The following DRC11 variants were observed in gnomAD, a reference collection of about 807,000 sequenced individuals.
DRC11 encodes dynein regulatory complex subunit 11.
chr2:236,488,549 G>C, the DRC11 span, among the ~76,000 whole-genome samples: 1 of 152,096 alleles, frequency 6.6e-6, no homozygotes, highest in Non-Finnish European at 1.5e-5. Context: ...TAACTTAATA[G>C]GAGAAACAGA....
At chr2:236,453,697 T>C in the DRC11 span, among the ~76,000 whole-genome samples, 3 of 152,020 alleles carry the variant, frequency 2.0e-5, no homozygotes, top group Non-Finnish European at 4.4e-5. This position sits in a 1 kb window ranked among gnomAD's most constrained non-coding sequence, Gnocchi z 4.9. Context: ...TGGGGTGCAG[T>C]GGTGCAATCT....
chr2:236,440,639 G>A, the DRC11 span, among the ~76,000 whole-genome samples: 1 of 152,192 alleles, frequency 6.6e-6, no homozygotes. Context: ...AACTCAGGAA[G>A]AGCATGGCAC....
At chr2:236,324,094 GA>G in the DRC11 span, 1 of 152,214 alleles carries the variant, frequency 6.6e-6, no homozygotes, top group Admixed American at 6.5e-5. This position sits in a 1 kb window ranked among gnomAD's most constrained non-coding sequence, Gnocchi z 5.7. Context: ...TTAGGATGTT[GA>G]AATAGTTCAT....
the DRC11 span, among the ~76,000 whole-genome samples, chr2:236,483,625 A>G: frequency 6.6e-6 from 1 of 152,006 alleles, no homozygotes; most frequent in Non-Finnish European, 1.5e-5. The surrounding 1 kb of genome is among the most constrained non-coding windows in gnomAD (Gnocchi z 4.8). Flanking sequence ...TCTTTCCTCA[A>G]GCAAAATAAT....
chr2:236,409,391 A>G, the DRC11 span, among the ~76,000 whole-genome samples: 1 of 152,108 alleles, frequency 6.6e-6, no homozygotes. Flanking sequence ...GAGTTCACTC[A>G]TGATTTGGCT....
the DRC11 span, among the ~76,000 whole-genome samples, chr2:236,376,560 T>G: frequency 6.6e-6 from 1 of 152,230 alleles, no homozygotes; most frequent in African/African-American, 2.4e-5. This position sits in a 1 kb window ranked among gnomAD's most constrained non-coding sequence, Gnocchi z 5.7. Flanking sequence ...GTAGTACAGT[T>G]ATGAGGAATT....
chr2:236,491,046 G>GTATATATA, the DRC11 span, among the ~76,000 whole-genome samples: 45 of 128,244 alleles, frequency 3.5e-4, no homozygotes, highest in African/African-American at 1.3e-3. Flanking sequence ...TATATATACA[G>GTATATATA]TATATATATA....
At chr2:236,411,668 T>C in the DRC11 span, among the ~76,000 whole-genome samples, 2 of 147,636 alleles carry the variant, frequency 1.4e-5, no homozygotes, top group African/African-American at 5.0e-5. Flanking sequence ...AATGATAGAC[T>C]GGATTAAGAA....
At chr2:236,314,441 A>G in the DRC11 span, among the ~76,000 whole-genome samples, 131 of 152,216 alleles carry the variant, frequency 8.6e-4, no homozygotes, top group African/African-American at 3.1e-3. The surrounding 1 kb of genome is among the most constrained non-coding windows in gnomAD (Gnocchi z 4.5). Context: ...TCTAGTCAAC[A>G]TCATAACTAA....
chr2:236,480,586 A>G, the DRC11 span, among the ~76,000 whole-genome samples: 1 of 152,212 alleles, frequency 6.6e-6, no homozygotes, highest in East Asian at 1.9e-4. Context: ...AGTTATTTCA[A>G]TATCTTTGTT....
the DRC11 span, among the ~76,000 whole-genome samples, chr2:236,461,611 G>T: frequency 6.6e-6 from 1 of 152,136 alleles, no homozygotes; most frequent in Non-Finnish European, 1.5e-5. The surrounding 1 kb of genome is among the most constrained non-coding windows in gnomAD (Gnocchi z 4.0). Flanking sequence ...ATGAGAGAGG[G>T]GGCATCTGAG....
At chr2:236,387,570 T>C in the DRC11 span, among the ~76,000 whole-genome samples, 1 of 152,190 alleles carries the variant, frequency 6.6e-6, no homozygotes, top group Non-Finnish European at 1.5e-5. Flanking sequence ...GCATGTGAGA[T>C]GGGTTTCCTG....
At chr2:236,392,051 C>T in the DRC11 span, 5 of 1,613,982 alleles carry the variant, frequency 3.1e-6, no homozygotes, top group Non-Finnish European at 4.2e-6. This position sits in a 1 kb window ranked among gnomAD's most constrained non-coding sequence, Gnocchi z 5.1. Context: ...TTTTAAGTTC[C>T]TGTCTCATCA....
the DRC11 span, among the ~76,000 whole-genome samples, chr2:236,328,703 G>A: frequency 6.6e-6 from 1 of 152,122 alleles, no homozygotes; most frequent in Non-Finnish European, 1.5e-5. The surrounding 1 kb of genome is among the most constrained non-coding windows in gnomAD (Gnocchi z 6.7). Context: ...AAGGTGAGGT[G>A]GCCATGTACT....
chr2:236,492,173 G>A, the DRC11 span, among the ~76,000 whole-genome samples: 1 of 152,186 alleles, frequency 6.6e-6, no homozygotes, highest in African/African-American at 2.4e-5. Flanking sequence ...AAATTACCCA[G>A]TCTGTGGTAT....
At chr2:236,347,409 C>T in the DRC11 span, among the ~76,000 whole-genome samples, 6 of 151,646 alleles carry the variant, frequency 4.0e-5, no homozygotes, top group African/African-American at 1.5e-4. Context: ...ATGATTCTTG[C>T]ACATGCATGT....
the DRC11 span, among the ~76,000 whole-genome samples, chr2:236,342,827 C>G: frequency 6.6e-6 from 1 of 152,100 alleles, no homozygotes; most frequent in Non-Finnish European, 1.5e-5. The surrounding 1 kb of genome is among the most constrained non-coding windows in gnomAD (Gnocchi z 5.8). Context: ...GCCAGGGTGC[C>G]CTTTGGCTTG....
chr2:236,323,987 T>C, the DRC11 span, among the ~76,000 whole-genome samples: 27 of 152,342 alleles, frequency 1.8e-4, no homozygotes, highest in African/African-American at 5.3e-4. The surrounding 1 kb of genome is among the most constrained non-coding windows in gnomAD (Gnocchi z 6.4). Context: ...GGCCTGATAA[T>C]TTTTCAGTCC....
chr2:236,497,337 T>G, the DRC11 span: 2 of 1,613,984 alleles, frequency 1.2e-6, no homozygotes, highest in Non-Finnish European at 1.7e-6. This position sits in a 1 kb window ranked among gnomAD's most constrained non-coding sequence, Gnocchi z 5.1. Flanking sequence ...TCTCTAGGTT[T>G]CTAAAGATCT....
Sources: gnomAD v4.1 joint callset for allele counts (sites outside exome capture counted in the v4.1 genomes callset) on GRCh38, gnomAD v4.1.1 for gene constraint, Gnocchi (gnomAD v3.1) non-coding constraint, MANE v1.5 for transcripts, NCBI Gene and HGNC (gene_info 2026-07-23, HGNC 2026-07-21) for gene names.